The following FRY variants were observed in gnomAD, a reference collection of about 807,000 sequenced individuals.
The protein encoded by FRY is FRY microtubule binding protein, also known as protein furry homolog.
A neutral mutation model predicts 348.4 loss-of-function variants in FRY; 128 were observed. That is an observed-to-expected ratio of 0.37 (90% CI 0.32 to 0.43). The LOEUF (loss-of-function observed/expected upper bound fraction) is 0.43. FRY is among the 20% of genes least tolerant of loss of function. The probability of loss-of-function intolerance (pLI) is 1.00; values close to 1 mark genes in which losing one functional copy is unlikely to be tolerated. For missense variants in FRY, 2,736 were observed against 3,695.2 expected (o/e 0.74, Z 6.73); for synonymous variants, 1,370 against 1,374.7 (o/e 1.00, Z 0.08).
intron 40 of FRY, 103 bp downstream of exon 40, chr13:32,228,757 C>T (rs1193785370): frequency 2.1e-6 from 2 of 964,698 alleles, no homozygotes; most frequent in Non-Finnish European, 3.3e-6. Context: ...GGGGTTCTAA[C>T]AAAGTCCTGT....
chr13:32,122,240 G>A (rs1593637203), intron 4 of FRY, among the ~76,000 whole-genome samples: 1 of 151,954 alleles, frequency 6.6e-6, no homozygotes, highest in Non-Finnish European at 1.5e-5. Context: ...TCAGAAGATC[G>A]AGACCATCCT....
intron 48 of FRY, among the ~76,000 whole-genome samples, chr13:32,249,299 C>T (rs965983509): frequency 2.0e-5 from 3 of 151,424 alleles, no homozygotes; most frequent in Non-Finnish European, 4.4e-5. Context: ...TATTAAAGAA[C>T]AAGCAGTTGC....
intron 55 of FRY, among the ~76,000 whole-genome samples, chr13:32,273,222 C>CTTTT (rs552249398): frequency 6.4e-5 from 8 of 124,166 alleles, no homozygotes; most frequent in Non-Finnish European, 1.2e-4. Flanking sequence ...TTTAACTGTT[C>CTTTT]TTTTTTTTTT....
rs576186538 is a variant in FRY, at chr13:32,125,131, G to C, written c.716+256G>C. Among the ~76,000 whole-genome samples the C allele has an allele frequency of 8.5e-5, 13 of 152,336 alleles. No homozygotes were observed. The South Asian group carries it at 1.0e-3, about 12-fold the overall frequency. On this transcript the variant is annotated intron_variant, in intron 7 of 60. Coordinates refer to ENST00000542859, the MANE Select transcript of FRY (RefSeq NM_023037.3). ...TTGCATCAAAGAAATGGGGTGACCA[G>C]ATTACATTTCTCTCTGCCTAAATAT...
chr13:32,245,227 A>G (rs1886727203), intron 47 of FRY, among the ~76,000 whole-genome samples: 1 of 151,852 alleles, frequency 6.6e-6, no homozygotes, highest in African/African-American at 2.4e-5. Context: ...GATTACAGGC[A>G]TGAGCCACCA....
At chr13:32,181,680 A>G (rs1384234870) in intron 23 of FRY, among the ~76,000 whole-genome samples, 3 of 152,076 alleles carry the variant, frequency 2.0e-5, no homozygotes, top group African/African-American at 7.2e-5. Context: ...TGTTTTGCAT[A>G]TATAGACCTC....
intron 51 of FRY, among the ~76,000 whole-genome samples, chr13:32,254,957 G>C (rs1013719081): frequency 1.5e-4 from 23 of 152,192 alleles, no homozygotes; most frequent in African/African-American, 5.3e-4. Context: ...CACTGGAGCA[G>C]CCAAATTCAA....
Position 32,237,100 on chromosome 13 carries a change from A to C in FRY, c.5811-279A>C, listed in dbSNP as rs1197263008. Among the ~76,000 whole-genome samples the C allele has an allele frequency of 3.3e-5, 5 of 152,166 alleles. No individual in the cohort carries two copies. Among genetic ancestry groups the C allele is most frequent in the Non-Finnish European group, 7.4e-5 (5 of 68,026 alleles). ...TCATAATTACTCCTACCCAAATTCA[A>C]GCAAAACATAAATGAAATATCAGTA... On this transcript the variant is annotated intron_variant, in intron 43 of 60. Transcript: ENST00000542859. The surrounding 1 kb of genome is among the most constrained non-coding windows in gnomAD (Gnocchi z 6.3).
intron 12 of FRY, 22 bp downstream of exon 12, chr13:32,147,407 T>A: frequency 2.2e-6 from 3 of 1,339,114 alleles, no homozygotes; most frequent in Non-Finnish European, 3.2e-6. Context: ...CTTGTGTCAA[T>A]GGTAACCATA....
chr13:32,291,924 C>A (rs1329483649), intron 59 of FRY: 2 of 440,222 alleles, frequency 4.5e-6, no homozygotes, highest in African/African-American at 4.0e-5. Flanking sequence ...ATGATAAAAC[C>A]TGAATGGATG....
Position 32,239,800 on chromosome 13 carries a change from C to T in FRY, c.6606C>T (p.Ala2202=), listed in dbSNP as rs1433195907. The T allele has an allele frequency of 1.2e-6, 2 of 1,613,668 alleles. No individual in the cohort carries two copies. Among genetic ancestry groups the T allele is most frequent in the Non-Finnish European group, 1.7e-6 (2 of 1,179,726 alleles). ...YKTHSYTRDC[A]TWVNVVCRYL... is the part of the protein sequence containing the mutation. ...CGCACAGCTACACGAGGGACTGTGC[C>T]ACGTGGGTCAATGTGGTCTGTCGAT... is the stretch of plus-strand genomic sequence containing the variant. Residue 2202 remains alanine, a synonymous_variant, in exon 46 of 61, where the codon GCC becomes GCT. Coordinates refer to ENST00000542859, the MANE Select transcript of FRY (RefSeq NM_023037.3). The surrounding 1 kb of genome is among the most constrained non-coding windows in gnomAD (Gnocchi z 4.3).
chr13:32,241,506 AG>A (rs1886499068), intron 46 of FRY, among the ~76,000 whole-genome samples: 1 of 152,218 alleles, frequency 6.6e-6, no homozygotes, highest in African/African-American at 2.4e-5. Context: ...GGCAGTTCGT[AG>A]TGGAGAATTA....
At position 32,294,449 on chromosome 13, in the gene FRY, T is replaced by C. The variant is rs771849736; in HGVS notation, c.8662T>C (p.Tyr2888His). The part of the protein sequence containing the change: ...ASAVIAADPL[Y>H]SDGAWSEPTF... The stretch of plus-strand genomic sequence containing the variant: ...TGCAGTCATTGCAGCTGACCCTCTC[T>C]ATTCAGACGGCGCGTGGTCCGAGCC... Residue 2888 changes from tyrosine (Y) to histidine (H), a missense_variant, in exon 60 of 61, where the codon TAT becomes CAT. Coordinates refer to ENST00000542859, the MANE Select transcript of FRY (RefSeq NM_023037.3). 2 of 1,614,088 alleles carry C rather than the reference T, an allele frequency of 1.2e-6. 1 individual carries two copies. Among genetic ancestry groups the C allele is most frequent in the South Asian group, 2.2e-5 (2 of 91,082 alleles).
intron 1 of FRY, among the ~76,000 whole-genome samples, chr13:32,035,745 C>G (rs1316506910): frequency 6.6e-6 from 1 of 152,190 alleles, no homozygotes; most frequent in African/African-American, 2.4e-5. Context: ...TCGAGGGAAA[C>G]TTTTGAATGC....
At chr13:32,265,752 C>T (rs1887893225) in intron 54 of FRY, 136 bp downstream of exon 54, 1 of 866,778 alleles carries the variant, frequency 1.2e-6, no homozygotes, top group African/African-American at 1.7e-5. Context: ...TATATCATGG[C>T]AGGCTCTCAG....
At position 32,237,623 on chromosome 13, in the gene FRY, A is replaced by G; in HGVS notation, c.6055A>G (p.Arg2019Gly). 6.2e-7 allele frequency: 1 copy of G among 1,614,150 alleles called. No individual in the cohort carries two copies. Among genetic ancestry groups the G allele is most frequent in the East Asian group, 2.2e-5 (1 of 44,880 alleles). Reference sequence around the variant, plus strand: ...CCAACAAGGCCTCTCCTCAAAAACCAGAAGCTCATCCTCCTTGAAGGACAG... The same window carrying G: ...CCAACAAGGCCTCTCCTCAAAAACCGGAAGCTCATCCTCCTTGAAGGACAG... ...CTQQGLSSKT[R>G]SSSSLKDSLT... Residue 2019 changes from arginine (R) to glycine (G), a missense_variant, in exon 44 of 61, where the codon AGA becomes GGA. Arg to Gly is a moderately radical substitution (Grantham distance 125). Around this residue, in one of 9 missense-constraint regions of FRY, gnomAD observed 789 missense variants for 996.2 expected, o/e 0.79. Transcript: ENST00000542859. The surrounding 1 kb of genome is among the most constrained non-coding windows in gnomAD (Gnocchi z 6.3).
chr13:32,284,171 C>G (rs1370508013), intron 58 of FRY, among the ~76,000 whole-genome samples: 1 of 152,186 alleles, frequency 6.6e-6, no homozygotes, highest in Non-Finnish European at 1.5e-5. Context: ...TTTCTGAGCA[C>G]TACTTGAACA....
chr13:32,135,365 T>C (rs1879644954), intron 10 of FRY, among the ~76,000 whole-genome samples, 182 bp downstream of exon 10: 2 of 152,198 alleles, frequency 1.3e-5, no homozygotes, highest in Non-Finnish European at 2.9e-5. Context: ...TTGAATGATA[T>C]TCATGTAGGG....
At chr13:32,048,101 T>C (rs1440375190) in intron 1 of FRY, among the ~76,000 whole-genome samples, 1 of 152,214 alleles carries the variant, frequency 6.6e-6, no homozygotes, top group Admixed American at 6.5e-5. Flanking sequence ...CGTCTTTTCA[T>C]TTTTCTACCC....
Sources: allele counts gnomAD v4.1 joint callset (sites outside exome capture counted in the v4.1 genomes callset), GRCh38; gene constraint gnomAD v4.1.1; regional missense constraint gnomAD v4.1.1; non-coding constraint Gnocchi (gnomAD v3.1); transcripts MANE v1.5; gene names NCBI Gene and HGNC (gene_info 2026-07-23, HGNC 2026-07-21).